The following BRINP3 variants were observed in gnomAD, a reference collection of about 807,000 sequenced individuals.
BRINP3 encodes BMP/retinoic acid-inducible neural-specific protein 3.
BRINP3 carries 19 observed loss-of-function variants against 71.0 expected under a neutral mutation model. That is an observed-to-expected ratio of 0.27 (90% CI 0.19 to 0.39). The LOEUF is 0.39. Ranked by LOEUF, BRINP3 falls within the 10% of genes least tolerant of loss-of-function variation. The probability of loss-of-function intolerance (pLI) is 1.00; values close to 1 mark genes in which losing one functional copy is unlikely to be tolerated. For synonymous variants in BRINP3, 380 were observed against 337.7 expected, an observed-to-expected ratio of 1.13 and a Z score of -1.37; for missense variants, 959 against 940.8, an observed-to-expected ratio of 1.02 and a Z score of -0.25.
At chr1:190,326,251 A>T (rs559487649) in intron 2 of BRINP3, among the ~76,000 whole-genome samples, 1 of 152,256 alleles carries the variant, frequency 6.6e-6, no homozygotes. Context: ...CAGAATTTTT[A>T]AAAATGAACA....
rs796888199 is a variant in BRINP3, at chr1:190,453,230, T to C, written c.236+1425A>G. 4.1e-3 allele frequency among the ~76,000 whole-genome samples: 453 copies of C among 110,720 alleles called. 5 individuals carry two copies. Among genetic ancestry groups the C allele is most frequent in the African/African-American group, 0.015 (418 of 27,796 alleles). 72.6% of individuals were successfully genotyped at this position (110,720 alleles called of 152,430 possible). A position where few individuals can be genotyped will look rare whatever the true frequency, so the allele number is the denominator to read the frequency against. ...TTTTTTTTTTTTTTTTTTTTTTTTT[T>C]TTTTTTTTGAGACGGAGGCTCGCTC... is the stretch of plus-strand genomic sequence containing the variant. On this transcript the variant is annotated intron_variant, in intron 2 of 7. Coordinates refer to ENST00000367462, the MANE Select transcript of BRINP3 (RefSeq NM_199051.3).
intron 2 of BRINP3, among the ~76,000 whole-genome samples, chr1:190,365,806 GTATATATATATA>G (rs66540359): frequency 1.3e-4 from 17 of 127,872 alleles, no homozygotes; most frequent in African/African-American, 2.6e-4. Flanking sequence ...GAGAGCAAGT[GTATATATATATA>G]TATATATATA....
chr1:190,118,898 G>A (rs12091589), intron 7 of BRINP3, among the ~76,000 whole-genome samples: 5,837 of 152,174 alleles, frequency 0.038, 376 homozygotes, highest in African/African-American at 0.13. Context: ...CATTTATGGA[G>A]CTGAGAATTT....
intron 4 of BRINP3, among the ~76,000 whole-genome samples, chr1:190,260,039 G>GAAAA (rs11336955): frequency 3.8e-4 from 49 of 128,930 alleles, no homozygotes; most frequent in Non-Finnish European, 6.2e-4. Flanking sequence ...AAAGAAATTG[G>GAAAA]AAAAAAAAAA....
intron 2 of BRINP3, among the ~76,000 whole-genome samples, chr1:190,397,803 TATCTC>T (rs1219003178): frequency 4.6e-5 from 7 of 151,854 alleles, no homozygotes; most frequent in Admixed American, 2.6e-4. Flanking sequence ...TTAAGAAAAT[TATCTC>T]ATCAAAAATC....
intron 7 of BRINP3, among the ~76,000 whole-genome samples, chr1:190,140,305 T>C (rs1027403083): frequency 2.6e-5 from 4 of 152,126 alleles, no homozygotes; most frequent in African/African-American, 9.7e-5. Context: ...AATATACTTG[T>C]ATTATTAGTC....
chr1:190,169,374 C>T (rs1460467862), intron 6 of BRINP3, among the ~76,000 whole-genome samples: 2 of 152,142 alleles, frequency 1.3e-5, no homozygotes, highest in African/African-American at 4.8e-5. Flanking sequence ...GATGTGCCAG[C>T]TGCAATGCTT....
chr1:190,146,036 A>G (rs1174045177), intron 7 of BRINP3, among the ~76,000 whole-genome samples: 2 of 152,130 alleles, frequency 1.3e-5, no homozygotes, highest in Non-Finnish European at 1.5e-5. Flanking sequence ...GATATAATGG[A>G]CTTTGGGGAC....
At chr1:190,223,573 A>T (rs193199434) in intron 6 of BRINP3, among the ~76,000 whole-genome samples, 1 of 151,990 alleles carries the variant, frequency 6.6e-6, no homozygotes. Flanking sequence ...TGAGAAAAAT[A>T]ATTTTTTCTT....
intron 7 of BRINP3, among the ~76,000 whole-genome samples, chr1:190,128,833 A>T (rs1289773440): frequency 6.6e-6 from 1 of 151,826 alleles, no homozygotes; most frequent in Non-Finnish European, 1.5e-5. Flanking sequence ...TCTTAAATAT[A>T]GCTAATGCTT....
At chr1:190,450,511 C>T (rs1477015943) in intron 2 of BRINP3, among the ~76,000 whole-genome samples, 3 of 152,034 alleles carry the variant, frequency 2.0e-5, no homozygotes, top group Non-Finnish European at 4.4e-5. Context: ...ACTTTAAAGA[C>T]ATTTTAAACC....
intron 4 of BRINP3, among the ~76,000 whole-genome samples, chr1:190,244,898 A>G (rs567685885): frequency 7.2e-4 from 110 of 152,242 alleles, no homozygotes; most frequent in South Asian, 1.4e-3. Context: ...CATATTTAAT[A>G]TTACTCTTCT....
chr1:190,426,771 A>T (rs1366497832), intron 2 of BRINP3, among the ~76,000 whole-genome samples: 1 of 152,020 alleles, frequency 6.6e-6, no homozygotes, highest in East Asian at 1.9e-4. Flanking sequence ...TATTTAATTA[A>T]TTAATTAAAA....
chr1:190,365,217 A>G (rs1489261381), intron 2 of BRINP3, among the ~76,000 whole-genome samples: 2 of 152,086 alleles, frequency 1.3e-5, no homozygotes, highest in African/African-American at 4.8e-5. Context: ...CCACAGCACA[A>G]CAGAAACTGA....
At chr1:190,337,013 C>A (rs1667333373) in intron 2 of BRINP3, among the ~76,000 whole-genome samples, 2 of 151,542 alleles carry the variant, frequency 1.3e-5, no homozygotes, top group South Asian at 4.2e-4. Flanking sequence ...TAGCTACATA[C>A]AATATTATAT....
chr1:190,349,196 T>C (rs1668212265), intron 2 of BRINP3, among the ~76,000 whole-genome samples: 1 of 152,050 alleles, frequency 6.6e-6, no homozygotes, highest in Non-Finnish European at 1.5e-5. Context: ...AGAGCTTAGT[T>C]TGGGGCTGAT....
intron 2 of BRINP3, among the ~76,000 whole-genome samples, chr1:190,318,609 AT>A (rs972275542): frequency 3.3e-5 from 5 of 151,694 alleles, no homozygotes; most frequent in Admixed American, 6.6e-5. Flanking sequence ...ATGGGTCCCT[AT>A]TTTTTTTCCT....
intron 2 of BRINP3, among the ~76,000 whole-genome samples, chr1:190,451,047 T>G (rs1210154656): frequency 6.6e-6 from 1 of 152,168 alleles, no homozygotes; most frequent in African/African-American, 2.4e-5. Context: ...ATTATTTGAG[T>G]GCTCTGAAGA....
intron 6 of BRINP3, among the ~76,000 whole-genome samples, chr1:190,167,621 G>A (rs1651671374): frequency 6.6e-6 from 1 of 152,122 alleles, no homozygotes; most frequent in African/African-American, 2.4e-5. Flanking sequence ...CCCCAGGATT[G>A]AATTTAAATT....
Sources: allele counts gnomAD v4.1 joint callset (sites outside exome capture counted in the v4.1 genomes callset), GRCh38; gene constraint gnomAD v4.1.1; transcripts MANE v1.5; gene names NCBI Gene and HGNC (gene_info 2026-07-23, HGNC 2026-07-21).